The following VSTM4 variants were observed in gnomAD, a reference collection of about 807,000 sequenced individuals.
VSTM4 encodes V-set and transmembrane domain containing 4.
Under a neutral mutation model 36.4 loss-of-function variants are expected in VSTM4, and 20 were observed. That is an observed-to-expected ratio of 0.55 (90% CI 0.39 to 0.80). The LOEUF (loss-of-function observed/expected upper bound fraction) is 0.80, where lower values mean the gene tolerates loss of function less well. Ranked by LOEUF, VSTM4 falls within the 30% of genes least tolerant of loss-of-function variation. VSTM4 has a pLI of 0.00. For missense variants in VSTM4, 392 were observed against 404.5 expected, an observed-to-expected ratio of 0.97 and a Z score of 0.26; for synonymous variants, 182 against 173.9, an observed-to-expected ratio of 1.05 and a Z score of -0.37.
At chr10:49,041,544 G>A (rs1843521554) in intron 7 of VSTM4, among the ~76,000 whole-genome samples, 1 of 152,168 alleles carries the variant, frequency 6.6e-6, no homozygotes, top group Non-Finnish European at 1.5e-5. Context: ...CAAAAAACTT[G>A]TAGTCAGGAC....
chr10:49,071,781 G>T (rs2131985931), intron 4 of VSTM4, among the ~76,000 whole-genome samples: 1 of 152,330 alleles, frequency 6.6e-6, no homozygotes. Flanking sequence ...CCACATGTGT[G>T]TAAGCAGCCT....
chr10:49,035,002 C>G (rs1314136012), intron 7 of VSTM4, among the ~76,000 whole-genome samples: 1 of 152,236 alleles, frequency 6.6e-6, no homozygotes, highest in South Asian at 2.1e-4. Context: ...ATCAGCCACG[C>G]TGAGATGGAA....
rs777627867 is a variant in VSTM4, at chr10:49,086,644, G to A, written c.458-621C>T. Among the ~76,000 whole-genome samples the A allele has an allele frequency of 5.3e-5, 8 of 152,164 alleles. No individual in the cohort carries two copies. The South Asian group carries it at 1.7e-3, about 32-fold the overall frequency. ...GTCTGGGCCCACGGAAAGTTTCCAT[G>A]TACAGGGGTAACATCATCATAGGTA... On this transcript the variant is annotated intron_variant, in intron 2 of 7. Transcript: ENST00000332853.
intron 4 of VSTM4, among the ~76,000 whole-genome samples, chr10:49,065,009 G>A (rs1843947717): frequency 6.6e-6 from 1 of 152,218 alleles, no homozygotes; most frequent in African/African-American, 2.4e-5. Flanking sequence ...GCCAAGGCAG[G>A]TTAAGTTGGG....
chr10:49,033,223 A>G (rs1843373734), intron 7 of VSTM4, among the ~76,000 whole-genome samples: 1 of 152,208 alleles, frequency 6.6e-6, no homozygotes, highest in Non-Finnish European at 1.5e-5. Context: ...AATGAGGTAG[A>G]TCTATACGTA....
At chr10:49,023,343 A>G (rs1843209636) in intron 7 of VSTM4, among the ~76,000 whole-genome samples, 1 of 152,260 alleles carries the variant, frequency 6.6e-6, no homozygotes, top group Non-Finnish European at 1.5e-5. Flanking sequence ...TTAACTGGAA[A>G]TAAATTCCTA....
chr10:49,067,941 A>T (rs566741909), intron 4 of VSTM4, among the ~76,000 whole-genome samples: 2 of 152,238 alleles, frequency 1.3e-5, no homozygotes, highest in Non-Finnish European at 2.9e-5. Flanking sequence ...ACCTACGCAC[A>T]TCCTCCTGTA....
intron 3 of VSTM4, among the ~76,000 whole-genome samples, chr10:49,078,714 A>G (rs1844224845): frequency 1.3e-5 from 2 of 152,242 alleles, no homozygotes; most frequent in Admixed American, 6.5e-5. Context: ...AATATTCTGT[A>G]TCTTGACTGT....
At chr10:49,020,703 A>T (rs2955063) in intron 7 of VSTM4, among the ~76,000 whole-genome samples, 1 of 138,846 alleles carries the variant, frequency 7.2e-6, no homozygotes, top group Non-Finnish European at 1.6e-5. Context: ...GGAAAGAAGG[A>T]GGGAAGAAGG....
intron 4 of VSTM4, among the ~76,000 whole-genome samples, chr10:49,076,852 T>C (rs1173698121): frequency 6.6e-6 from 1 of 152,164 alleles, no homozygotes; most frequent in African/African-American, 2.4e-5. Context: ...GTCAATCTCC[T>C]TTCATAAATG....
intron 4 of VSTM4, among the ~76,000 whole-genome samples, chr10:49,075,712 T>C (rs1844164479): frequency 1.3e-5 from 2 of 152,240 alleles, no homozygotes; most frequent in South Asian, 4.1e-4. Context: ...TGCTACAGCC[T>C]CTGCCCCATT....
intron 3 of VSTM4, among the ~76,000 whole-genome samples, chr10:49,084,874 A>G (rs1310890052): frequency 6.6e-6 from 1 of 152,234 alleles, no homozygotes; most frequent in Non-Finnish European, 1.5e-5. Flanking sequence ...CACTCTGGAT[A>G]CTTGGAGCCA....
rs1262594497 is a variant in VSTM4 at position 49,051,723 on chromosome 10, G to A, written c.669-3139C>T. Among the ~76,000 whole-genome samples the A allele has an allele frequency of 4.6e-5, 7 of 152,294 alleles. No individual in the cohort carries two copies. The South Asian group carries it at 1.4e-3, about 32-fold the overall frequency. On this transcript the variant is annotated intron_variant, in intron 5 of 7. Transcript: ENST00000332853. ...ATAGCTCATTTCTTTTGGGCACTGA[G>A]TAATATTCTGTCATCTGGATGTACC...
intron 5 of VSTM4, among the ~76,000 whole-genome samples, chr10:49,050,187 G>A (rs1328892162): frequency 7.9e-5 from 12 of 152,206 alleles, no homozygotes; most frequent in African/African-American, 2.4e-4. Context: ...GTTGGACAAT[G>A]TATAAAATGT....
intron 4 of VSTM4, 27 bp downstream of exon 4, chr10:49,077,192 C>G (rs534161639): frequency 2.5e-6 from 4 of 1,610,890 alleles, no homozygotes; most frequent in Non-Finnish European, 3.4e-6. Flanking sequence ...GCTCCCATCC[C>G]AGACATGACC....
At chr10:49,091,604 T>TG (rs987673575) in intron 2 of VSTM4, among the ~76,000 whole-genome samples, 6 of 152,156 alleles carry the variant, frequency 3.9e-5, no homozygotes, top group African/African-American at 1.4e-4. Context: ...CCAACTTCCC[T>TG]GGGGAGGGCA....
At chr10:49,055,426 C>A (rs1020951252) in intron 5 of VSTM4, among the ~76,000 whole-genome samples, 1 of 152,222 alleles carries the variant, frequency 6.6e-6, no homozygotes, top group Admixed American at 6.5e-5. Flanking sequence ...CACCCCATAA[C>A]CCCATGCCCA....
intron 4 of VSTM4, among the ~76,000 whole-genome samples, chr10:49,068,805 A>G (rs1844020429): frequency 6.6e-6 from 1 of 152,156 alleles, no homozygotes; most frequent in Admixed American, 6.5e-5. Flanking sequence ...GAATCAGCCA[A>G]TAAAGGGTGC....
chr10:49,039,017 G>A (rs1452742765), intron 7 of VSTM4, among the ~76,000 whole-genome samples: 4 of 152,166 alleles, frequency 2.6e-5, no homozygotes, highest in Admixed American at 6.5e-5. Context: ...CCATGAGGGG[G>A]CATCCAGGAC....
Sources: allele counts gnomAD v4.1 joint callset (sites outside exome capture counted in the v4.1 genomes callset), GRCh38; gene constraint gnomAD v4.1.1; transcripts MANE v1.5; gene names NCBI Gene and HGNC (gene_info 2026-07-23, HGNC 2026-07-21).